HMGN5: variants seen among roughly 807,000 people sequenced by gnomAD.
HMGN5 encodes the protein high mobility group nucleosome-binding domain-containing protein 5.
A neutral mutation model predicts 9.5 loss-of-function variants in HMGN5; 4 were observed. The observed-to-expected ratio is 0.42, with a 90% CI of 0.21 to 0.96. The LOEUF is 0.96. Among genes scored for constraint, HMGN5 ranks in the 40% least tolerant of loss-of-function variants. The pLI, the probability that HMGN5 is intolerant of heterozygous loss-of-function variation, is 0.30. For missense variants in HMGN5, 192 were observed against 187.5 expected (o/e 1.02, Z -0.14); for synonymous variants, 55 against 57.1 (o/e 0.96, Z 0.16).
At chrX:81,158,535 T>C (rs1176763443) in intron 1 of HMGN5, among the ~76,000 whole-genome samples, 1 of 112,328 alleles carries the variant, frequency 8.9e-6, no homozygotes. Flanking sequence ...TGTAAATTTG[T>C]TTAAGTTGTT....
intron 1 of HMGN5, among the ~76,000 whole-genome samples, chrX:81,174,027 C>T (rs766521742): frequency 9.0e-6 from 1 of 111,102 alleles, no homozygotes; most frequent in African/African-American, 3.3e-5. Context: ...AAATTTTTTT[C>T]TGTAATTTCT....
At chrX:81,196,632 A>G (rs2075509229) in intron 1 of HMGN5, among the ~76,000 whole-genome samples, 1 of 109,177 alleles carries the variant, frequency 9.2e-6, no homozygotes, top group Non-Finnish European at 1.9e-5. Flanking sequence ...GGCTCACTGC[A>G]ACCTCTCCCT....
chrX:81,139,662 T>G (rs1363827112), intron 1 of HMGN5, among the ~76,000 whole-genome samples: 1 of 111,693 alleles, frequency 9.0e-6, no homozygotes, highest in Non-Finnish European at 1.9e-5. Flanking sequence ...AGCTGCACAG[T>G]GCAGGGAGCA....
At chrX:81,145,049 G>T (rs5959076) in intron 1 of HMGN5, among the ~76,000 whole-genome samples, 2,063 of 111,919 alleles carry the variant, frequency 0.018, 42 homozygotes, top group African/African-American at 0.063. Context: ...GTGACGGGGA[G>T]AATGGAACCA....
At chrX:81,171,752 C>A (rs2075426348) in intron 1 of HMGN5, among the ~76,000 whole-genome samples, 1 of 111,305 alleles carries the variant, frequency 9.0e-6, no homozygotes, top group African/African-American at 3.3e-5. Flanking sequence ...ATCTGTTTCT[C>A]TTTTTGTACT....
intron 1 of HMGN5, among the ~76,000 whole-genome samples, chrX:81,129,621 C>A (rs1439379935): frequency 2.7e-5 from 3 of 111,464 alleles, no homozygotes; most frequent in Non-Finnish European, 3.8e-5. Flanking sequence ...TAAACAAATC[C>A]ATTTACACTT....
At chrX:81,170,562 C>A (rs2075423503) in intron 1 of HMGN5, among the ~76,000 whole-genome samples, 2 of 111,281 alleles carry the variant, frequency 1.8e-5, no homozygotes, top group Admixed American at 9.5e-5. Context: ...ATTTATAAAA[C>A]TATAAGTGGG....
intron 1 of HMGN5, among the ~76,000 whole-genome samples, chrX:81,138,271 G>T (rs774724444): frequency 8.9e-6 from 1 of 111,839 alleles, no homozygotes; most frequent in Non-Finnish European, 1.9e-5. Context: ...ATTTATTCCA[G>T]GTATGCAAGA....
intron 1 of HMGN5, among the ~76,000 whole-genome samples, chrX:81,188,539 C>T (rs1329179423): frequency 9.1e-6 from 1 of 109,705 alleles, no homozygotes; most frequent in Non-Finnish European, 1.9e-5. Flanking sequence ...AGGTTTGTTA[C>T]ATACGTATAC....
rs1602568895 is a variant in HMGN5 at position 81,153,027 on chromosome X, G to T, written c.-123-31355C>A. On this transcript the variant is annotated intron_variant, in intron 1 of 6. Transcript: ENST00000358130. ...GGGGGAGGGGGGAGGGATAGCATTGGGAGATATACCTAATGCTAAAGGACG... is the reference window on the plus strand; with the variant it reads ...GGGGGAGGGGGGAGGGATAGCATTGTGAGATATACCTAATGCTAAAGGACG... 4.9e-5 allele frequency among the ~76,000 whole-genome samples: 5 copies of T among 102,829 alleles called. No homozygotes were observed. In the South Asian group the frequency reaches 2.5e-3, roughly 51 times the overall value. 89.3% of individuals were successfully genotyped at this position (102,829 alleles called of 115,157 possible).
chrX:81,134,761 T>C (rs1471283916), intron 1 of HMGN5, among the ~76,000 whole-genome samples: 1 of 111,990 alleles, frequency 8.9e-6, no homozygotes, highest in Non-Finnish European at 1.9e-5. Context: ...GATAGTGGCA[T>C]AGGGCGAGAC....
At chrX:81,175,848 C>A (rs369586739) in intron 1 of HMGN5, among the ~76,000 whole-genome samples, 3 of 111,853 alleles carry the variant, frequency 2.7e-5, no homozygotes, top group African/African-American at 6.5e-5. Context: ...CAGCTCCAGT[C>A]GGCAGATCCC....
chrX:81,191,131 G>A (rs1017475446), intron 1 of HMGN5, among the ~76,000 whole-genome samples: 6 of 111,389 alleles, frequency 5.4e-5, no homozygotes, highest in African/African-American at 2.0e-4. Flanking sequence ...GATCTTGCAG[G>A]CAGTTATCTT....
chrX:81,131,263 C>A (rs1051212915), intron 1 of HMGN5, among the ~76,000 whole-genome samples: 2 of 111,553 alleles, frequency 1.8e-5, no homozygotes, highest in Admixed American at 1.9e-4. Flanking sequence ...GCATTATTCC[C>A]AGGGCTCAGT....
chrX:81,135,288 A>G (rs752795967), intron 1 of HMGN5, among the ~76,000 whole-genome samples: 2 of 111,481 alleles, frequency 1.8e-5, no homozygotes, highest in South Asian at 7.4e-4. Flanking sequence ...AAGACAAACA[A>G]CCCAATTTAT....
In HMGN5 at chrX:81,152,132, A is replaced by G. The variant is rs773052394; in HGVS notation, c.-123-30460T>C. Among the ~76,000 whole-genome samples the G allele has an allele frequency of 3.3e-3, 368 of 111,937 alleles. 2 individuals are homozygous for G. Among genetic ancestry groups the G allele is most frequent in the African/African-American group, 0.011 (351 of 30,755 alleles). On this transcript the variant is annotated intron_variant, in intron 1 of 6. Coordinates refer to ENST00000358130, the MANE Select transcript of HMGN5 (RefSeq NM_030763.3). ...CCAAAAGCAATGGCAACAAAAGCCA[A>G]AATTCACAAATGGGATCTAATTAAA...
At chrX:81,168,670 CA>C (rs1242963354) in intron 1 of HMGN5, among the ~76,000 whole-genome samples, 1 of 111,790 alleles carries the variant, frequency 8.9e-6, no homozygotes, top group Admixed American at 9.5e-5. Context: ...AAATGAATGT[CA>C]GGGGTACACT....
chrX:81,140,566 A>G (rs1272399738), intron 1 of HMGN5, among the ~76,000 whole-genome samples: 33 of 104,677 alleles, frequency 3.2e-4, no homozygotes, highest in East Asian at 6.2e-4. Flanking sequence ...TCTCAAAAAA[A>G]AAAAAAAAAA....
intron 1 of HMGN5, among the ~76,000 whole-genome samples, chrX:81,196,739 A>C (rs1216078129): frequency 9.1e-6 from 1 of 109,493 alleles, no homozygotes; most frequent in Non-Finnish European, 1.9e-5. Flanking sequence ...ATGGGGTTTC[A>C]CCTTGTTGGC....
Sources: gnomAD v4.1 joint callset for allele counts (sites outside exome capture counted in the v4.1 genomes callset) on GRCh38, gnomAD v4.1.1 for gene constraint, MANE v1.5 for transcripts, NCBI Gene and HGNC (gene_info 2026-07-23, HGNC 2026-07-21) for gene names.